CCDC149: variants seen among roughly 807,000 people sequenced by gnomAD.
CCDC149 encodes coiled-coil domain-containing protein 149.
In CCDC149, 45 loss-of-function variants were observed where a neutral mutation model predicts 59.9. The observed-to-expected ratio is 0.75, with a 90% CI of 0.59 to 0.96. The LOEUF is 0.96. CCDC149 is among the 40% of genes least tolerant of loss of function. The probability of loss-of-function intolerance (pLI) is 0.00; values close to 1 mark genes in which losing one functional copy is unlikely to be tolerated. For synonymous variants in CCDC149, 245 were observed against 260.6 expected, an observed-to-expected ratio of 0.94 and a Z score of 0.58; for missense variants, 584 against 664.7, an observed-to-expected ratio of 0.88 and a Z score of 1.33.
intron 9 of CCDC149, chr4:24,829,462 G>C (rs1715989802): frequency 6.6e-6 from 1 of 152,234 alleles, no homozygotes; most frequent in East Asian, 1.9e-4. Context: ...TGGGGGTCAG[G>C]GGAGAGGTGG....
chr4:24,873,811 G>A (rs1719209770), intron 2 of CCDC149, 92 bp from the exon 3 acceptor site: 1 of 955,272 alleles, frequency 1.0e-6, no homozygotes, highest in Non-Finnish European at 1.7e-6. Context: ...CCTAAATGTA[G>A]ACTCTCCCCA....
At chr4:24,866,521 TCTCTCACTGCAGTGCAAAGGGGCG>T (rs1718702446) in intron 3 of CCDC149, among the ~76,000 whole-genome samples, 1 of 152,094 alleles carries the variant, frequency 6.6e-6, no homozygotes, top group Non-Finnish European at 1.5e-5. Flanking sequence ...CTTTTGGTGA[TCTCTCACTGCAGTGCAAAGGGGCG>T]CTCTGTGTAC....
intron 1 of CCDC149, among the ~76,000 whole-genome samples, chr4:24,955,998 A>G (rs1317970562): frequency 6.6e-6 from 1 of 152,192 alleles, no homozygotes; most frequent in Non-Finnish European, 1.5e-5. Flanking sequence ...TCTTTGCTTG[A>G]ATCTTCATCT....
chr4:24,925,895 G>C (rs1476759798), intron 1 of CCDC149, among the ~76,000 whole-genome samples: 2 of 152,210 alleles, frequency 1.3e-5, no homozygotes, highest in South Asian at 2.1e-4. Context: ...AGGCTTGAAG[G>C]CTTAAGAATT....
At position 24,950,302 on chromosome 4, in the gene CCDC149, T is replaced by A. The variant is rs561514209; in HGVS notation, c.-65+29767A>T. On this transcript the variant is annotated intron_variant, in intron 1 of 12. Coordinates refer to the CCDC149 transcript ENST00000389609. ...ACTATTTTTGTTTTCAGCCTTCTCA[T>A]CTGTGAAGGGTGATTCTAATCCAAC... Among the ~76,000 whole-genome samples, 37 of 152,370 alleles carry A rather than the reference T, an allele frequency of 2.4e-4. 1 individual carries two copies. The highest frequency in any genetic ancestry group is 1.1e-3 in the Admixed American group (17 of 15,304).
intron 12 of CCDC149, among the ~76,000 whole-genome samples, chr4:24,809,233 A>G (rs1156338592): frequency 6.6e-6 from 1 of 152,190 alleles, no homozygotes; most frequent in Non-Finnish European, 1.5e-5. Context: ...GAGGGTGGGA[A>G]GAAGAAGGAT....
chr4:24,915,745 C>T (rs1276242786), upstream of CCDC149, among the ~76,000 whole-genome samples: 1 of 152,208 alleles, frequency 6.6e-6, no homozygotes, highest in Non-Finnish European at 1.5e-5. Context: ...CAAGTGCCAG[C>T]TCAAACCTGC....
intron 1 of CCDC149, among the ~76,000 whole-genome samples, chr4:24,882,887 CT>C (rs1719930982): frequency 6.6e-6 from 1 of 152,194 alleles, no homozygotes; most frequent in African/African-American, 2.4e-5. Context: ...TCAAACCTTT[CT>C]CCAACAGTAA....
At chr4:24,893,653 G>A (rs1720667099) in intron 1 of CCDC149, among the ~76,000 whole-genome samples, 2 of 82,824 alleles carry the variant, frequency 2.4e-5, no homozygotes, top group African/African-American at 8.6e-5. Context: ...GTCTCACTCT[G>A]TCAATCAGGC....
chr4:24,959,322 T>C (rs1183978017), intron 1 of CCDC149, among the ~76,000 whole-genome samples: 1 of 152,120 alleles, frequency 6.6e-6, no homozygotes, highest in African/African-American at 2.4e-5. Flanking sequence ...GTGGGACAAC[T>C]GTGTTTATCT....
chr4:24,871,902 A>G (rs973189626), intron 3 of CCDC149, among the ~76,000 whole-genome samples: 1 of 152,152 alleles, frequency 6.6e-6, no homozygotes, highest in Non-Finnish European at 1.5e-5. Context: ...TCTATCTATG[A>G]GAGAGAGAGA....
At chr4:24,895,150 T>C (rs1720768879) in intron 1 of CCDC149, 5 of 796,534 alleles carry the variant, frequency 6.3e-6, no homozygotes, top group East Asian at 5.4e-5. Context: ...AAAAACAGCA[T>C]ATGATACTGG....
chr4:24,869,329 A>T (rs1277957976), intron 3 of CCDC149, among the ~76,000 whole-genome samples: 1 of 152,220 alleles, frequency 6.6e-6, no homozygotes, highest in Non-Finnish European at 1.5e-5. Context: ...AGGAGGAAGC[A>T]GGCGCAGAAA....
At chr4:24,904,311 T>C (rs1721348164) in intron 1 of CCDC149, among the ~76,000 whole-genome samples, 1 of 152,242 alleles carries the variant, frequency 6.6e-6, no homozygotes, top group Non-Finnish European at 1.5e-5. Context: ...ATGTTAAAAC[T>C]ATCAGCTTTT....
intron 1 of CCDC149, among the ~76,000 whole-genome samples, chr4:24,928,364 A>G (rs1560259337): frequency 6.6e-6 from 1 of 152,208 alleles, no homozygotes; most frequent in Non-Finnish European, 1.5e-5. Flanking sequence ...AAGATGGCGA[A>G]GGGGAGGAGA....
At chr4:24,900,333 T>C (rs1328545041) in intron 1 of CCDC149, among the ~76,000 whole-genome samples, 1 of 152,176 alleles carries the variant, frequency 6.6e-6, no homozygotes, top group Non-Finnish European at 1.5e-5. Context: ...CCCACTACAA[T>C]GGTGGCTCTC....
chr4:24,905,830 G>C (rs953825397), intron 1 of CCDC149, among the ~76,000 whole-genome samples: 1 of 152,164 alleles, frequency 6.6e-6, no homozygotes, highest in Admixed American at 6.5e-5. Flanking sequence ...AGGAGTGGCC[G>C]TATGACTATG....
intron 1 of CCDC149, among the ~76,000 whole-genome samples, chr4:24,907,321 T>C (rs892586961): frequency 2.6e-5 from 4 of 152,292 alleles, no homozygotes; most frequent in Non-Finnish European, 5.9e-5. Flanking sequence ...GGTGCAGTCA[T>C]TCCCTCAACA....
chr4:24,939,209 G>T (rs1418226771), intron 1 of CCDC149, among the ~76,000 whole-genome samples: 2 of 152,158 alleles, frequency 1.3e-5, no homozygotes, highest in Non-Finnish European at 2.9e-5. Flanking sequence ...CCAGAGGAAC[G>T]ATCAGGCAGC....
Sources: allele counts gnomAD v4.1 joint callset (sites outside exome capture counted in the v4.1 genomes callset), GRCh38; gene constraint gnomAD v4.1.1; transcripts MANE v1.5; gene names NCBI Gene and HGNC (gene_info 2026-07-23, HGNC 2026-07-21).